Variants in RAD51B observed in about 807,000 individuals in gnomAD.
The protein encoded by RAD51B is RAD51 paralog B.
A neutral mutation model predicts 42.2 loss-of-function variants in RAD51B; 38 were observed. That is an observed-to-expected ratio of 0.90 (90% CI 0.70 to 1.18). The LOEUF (loss-of-function observed/expected upper bound fraction) is 1.18, where lower values mean the gene tolerates loss of function less well. Among genes scored for constraint, RAD51B ranks in the 50% most tolerant of loss-of-function variants. RAD51B has a pLI of 0.00. For synonymous variants in RAD51B, 154 were observed against 145.2 expected, an observed-to-expected ratio of 1.06 and a Z score of -0.43; for missense variants, 373 against 400.7, an observed-to-expected ratio of 0.93 and a Z score of 0.59.
At chr14:67,888,204 A>G (rs1345315895) in intron 7 of RAD51B, among the ~76,000 whole-genome samples, 1 of 152,182 alleles carries the variant, frequency 6.6e-6, no homozygotes, top group Non-Finnish European at 1.5e-5. Flanking sequence ...TATATTTTGA[A>G]TTAAAGTCAA....
At chr14:68,259,519 G>A (rs1595619088) in intron 7 of RAD51B, among the ~76,000 whole-genome samples, 1 of 152,168 alleles carries the variant, frequency 6.6e-6, no homozygotes, top group East Asian at 1.9e-4. Context: ...GTACTCAGAA[G>A]TTTTTGCTAG....
At chr14:68,115,724 T>C (rs545061275) in intron 7 of RAD51B, among the ~76,000 whole-genome samples, 90 of 152,228 alleles carry the variant, frequency 5.9e-4, no homozygotes, top group African/African-American at 2.1e-3. Flanking sequence ...GCGGGAATCT[T>C]GTGTCAGGGA....
intron 7 of RAD51B, among the ~76,000 whole-genome samples, chr14:67,993,382 C>G (rs1022797788): frequency 6.6e-6 from 1 of 152,168 alleles, no homozygotes; most frequent in East Asian, 1.9e-4. Context: ...ATTCTACTCT[C>G]TATTTCCATG....
At chr14:67,949,341 A>G (rs1429501913) in intron 7 of RAD51B, among the ~76,000 whole-genome samples, 2 of 152,210 alleles carry the variant, frequency 1.3e-5, no homozygotes, top group Admixed American at 6.5e-5. Context: ...TTGTCATTTC[A>G]ACAATGTTAT....
intron 7 of RAD51B, among the ~76,000 whole-genome samples, chr14:68,003,866 A>C (rs2075530457): frequency 6.6e-6 from 1 of 152,134 alleles, no homozygotes. Flanking sequence ...GATGAAGCCT[A>C]CTTGATTGTG....
At chr14:68,420,303 G>A (rs1255215582) in intron 9 of RAD51B, among the ~76,000 whole-genome samples, 1 of 152,186 alleles carries the variant, frequency 6.6e-6, no homozygotes, top group Non-Finnish European at 1.5e-5. Context: ...AATTTGGGGT[G>A]AGTCCATAAA....
At chr14:68,682,013 A>T (rs1414470421) in intron 11 of RAD51B, among the ~76,000 whole-genome samples, 2 of 152,182 alleles carry the variant, frequency 1.3e-5, no homozygotes, top group African/African-American at 4.8e-5. Flanking sequence ...TGAAGAACTT[A>T]TCCATGTAAC....
At chr14:68,624,372 G>A (rs1297391073) in intron 10 of RAD51B, among the ~76,000 whole-genome samples, 1 of 152,164 alleles carries the variant, frequency 6.6e-6, no homozygotes, top group Non-Finnish European at 1.5e-5. Context: ...CCAGTCTAAA[G>A]GGGGCTATGG....
chr14:68,090,549 A>G (rs1349753987), intron 7 of RAD51B, among the ~76,000 whole-genome samples: 2 of 152,128 alleles, frequency 1.3e-5, no homozygotes, highest in Non-Finnish European at 2.9e-5. Flanking sequence ...AATAATGTAC[A>G]GGTGCAAATG....
At position 68,526,246 on chromosome 14, in the gene RAD51B, G is replaced by A. The variant is rs149178429; in HGVS notation, c.1036+57996G>A. ...GGCAAGTCATTTGGAAAACCAGCTT[G>A]TTCGTGCTTTGCCACATATAGTCAT... On this transcript the variant is annotated intron_variant, in intron 10 of 10. Transcript: ENST00000487270. 2.0e-5 allele frequency among the ~76,000 whole-genome samples: 3 copies of A among 152,354 alleles called. No homozygotes were observed. The East Asian group carries it at 5.8e-4, about 29-fold the overall frequency.
At chr14:68,592,439 C>T (rs530453148) in intron 10 of RAD51B, among the ~76,000 whole-genome samples, 3 of 152,212 alleles carry the variant, frequency 2.0e-5, no homozygotes, top group Non-Finnish European at 2.9e-5. Flanking sequence ...GGGCCAGGTA[C>T]GGTACTTTGC....
chr14:68,402,325 A>G (rs2084129323), intron 8 of RAD51B, among the ~76,000 whole-genome samples: 1 of 152,230 alleles, frequency 6.6e-6, no homozygotes, highest in African/African-American at 2.4e-5. Flanking sequence ...ACCTGCCAAG[A>G]GAGGTAACCA....
intron 7 of RAD51B, among the ~76,000 whole-genome samples, chr14:67,979,761 A>G (rs1406106868): frequency 6.6e-6 from 1 of 152,140 alleles, no homozygotes; most frequent in East Asian, 1.9e-4. Flanking sequence ...TCCCAAGTAG[A>G]TATCAGTGTG....
intron 7 of RAD51B, among the ~76,000 whole-genome samples, chr14:68,155,301 C>T (rs2078478920): frequency 6.6e-6 from 1 of 151,790 alleles, no homozygotes; most frequent in Non-Finnish European, 1.5e-5. Flanking sequence ...ACGCCATTCT[C>T]CTGCCTCAGC....
intron 11 of RAD51B, among the ~76,000 whole-genome samples, chr14:68,661,869 CTT>C (rs1337277331): frequency 1.3e-5 from 2 of 152,224 alleles, no homozygotes; most frequent in African/African-American, 4.8e-5. Flanking sequence ...ACCCAGTGGT[CTT>C]TGTACTCTCT....
At chr14:67,917,444 A>G (rs1157409404) in intron 7 of RAD51B, among the ~76,000 whole-genome samples, 2 of 152,196 alleles carry the variant, frequency 1.3e-5, no homozygotes, top group Non-Finnish European at 2.9e-5. Flanking sequence ...ATCTCTTGAG[A>G]ACTCACTAGC....
At chr14:68,106,798 C>G (rs2077383416) in intron 7 of RAD51B, among the ~76,000 whole-genome samples, 1 of 151,870 alleles carries the variant, frequency 6.6e-6, no homozygotes, top group Non-Finnish European at 1.5e-5. Context: ...TTAAAAAACT[C>G]ATTTAATGGG....
At chr14:67,862,849 G>T (rs1049383558) in intron 4 of RAD51B, among the ~76,000 whole-genome samples, 4 of 151,928 alleles carry the variant, frequency 2.6e-5, no homozygotes, top group Admixed American at 2.0e-4. Flanking sequence ...ATTATAAAAT[G>T]ATTTTTAATG....
chr14:68,096,419 C>T (rs867021976), intron 7 of RAD51B, among the ~76,000 whole-genome samples: 3 of 152,190 alleles, frequency 2.0e-5, no homozygotes, highest in African/African-American at 4.8e-5. Context: ...CAGGCCAAGT[C>T]GTACCGTCCA....
Sources: allele counts gnomAD v4.1 joint callset (sites outside exome capture counted in the v4.1 genomes callset), GRCh38; gene constraint gnomAD v4.1.1; transcripts MANE v1.5; gene names NCBI Gene and HGNC (gene_info 2026-07-23, HGNC 2026-07-21).